SKAP2: variants seen among roughly 807,000 people sequenced by gnomAD.
SKAP2 encodes src kinase-associated phosphoprotein 2.
SKAP2 carries 28 observed loss-of-function variants against 54.9 expected under a neutral mutation model. The observed-to-expected ratio is 0.51, with a 90% CI of 0.38 to 0.70. SKAP2 has a LOEUF of 0.70. Ranked by LOEUF, SKAP2 falls within the 30% of genes least tolerant of loss-of-function variation. The pLI is 0.00. For synonymous variants in SKAP2, 137 were observed against 134.3 expected (o/e 1.02, Z -0.14); for missense variants, 356 against 424.1 (o/e 0.84, Z 1.41).
intron 4 of SKAP2, among the ~76,000 whole-genome samples, chr7:26,830,721 T>G (rs1418257950): frequency 3.9e-5 from 6 of 152,162 alleles, no homozygotes; most frequent in Non-Finnish European, 5.9e-5. Context: ...ATACTTAATT[T>G]TTCCTCAAGT....
intron 11 of SKAP2, among the ~76,000 whole-genome samples, chr7:26,682,461 T>A (rs909257164): frequency 2.6e-5 from 4 of 152,186 alleles, no homozygotes; most frequent in African/African-American, 9.7e-5. Context: ...ATTTACCAGG[T>A]TGATTCCACT....
At chr7:26,772,563 A>AT (rs1783210595) in intron 4 of SKAP2, among the ~76,000 whole-genome samples, 1 of 152,184 alleles carries the variant, frequency 6.6e-6, no homozygotes, top group African/African-American at 2.4e-5. Flanking sequence ...ACATGATATC[A>AT]TTTTTTATGG....
At chr7:26,805,747 T>C (rs74917466) in intron 4 of SKAP2, among the ~76,000 whole-genome samples, 4,828 of 152,312 alleles carry the variant, frequency 0.032, 262 homozygotes, top group African/African-American at 0.11. Flanking sequence ...AGCCAGAGAC[T>C]GCTAAGCCAT....
intron 4 of SKAP2, among the ~76,000 whole-genome samples, chr7:26,800,792 A>T (rs566600931): frequency 1.7e-4 from 26 of 152,312 alleles, no homozygotes; most frequent in African/African-American, 6.3e-4. Context: ...ACCAAGATGA[A>T]CCAGGAAGAA....
chr7:26,824,542 C>G (rs1269250856), intron 4 of SKAP2, among the ~76,000 whole-genome samples: 2 of 150,358 alleles, frequency 1.3e-5, no homozygotes, highest in Non-Finnish European at 3.0e-5. Flanking sequence ...CTTGGCCTAT[C>G]AGTTTGAGAC....
intron 5 of SKAP2, 97 bp downstream of exon 5, chr7:26,739,790 C>T: frequency 1.3e-6 from 1 of 789,854 alleles, no homozygotes; most frequent in Non-Finnish European, 2.0e-6. Flanking sequence ...ACTCTTTAAT[C>T]ACCTAAAACG....
At chr7:26,693,241 A>G (rs1786825154) in intron 9 of SKAP2, among the ~76,000 whole-genome samples, 1 of 149,386 alleles carries the variant, frequency 6.7e-6, no homozygotes, top group South Asian at 2.2e-4. Flanking sequence ...CTGAGGAAGG[A>G]GAATCGCTTG....
intron 4 of SKAP2, among the ~76,000 whole-genome samples, chr7:26,792,230 T>C (rs760575908): frequency 7.2e-5 from 11 of 152,266 alleles, no homozygotes; most frequent in East Asian, 1.9e-4. Flanking sequence ...AGGGAACTTT[T>C]TGGGGTGCTG....
chr7:26,851,083 C>G (rs186645014), intron 3 of SKAP2, among the ~76,000 whole-genome samples: 10 of 151,888 alleles, frequency 6.6e-5, no homozygotes, highest in Non-Finnish European at 1.3e-4. Flanking sequence ...ATCTATGCAG[C>G]CTAGTGTTTC....
At chr7:26,659,058 T>C in the SKAP2 span, among the ~76,000 whole-genome samples, 6 of 152,200 alleles carry the variant, frequency 3.9e-5, no homozygotes, top group African/African-American at 1.2e-4. Flanking sequence ...CGGGGGCTTA[T>C]TCCACAATTA....
At chr7:26,787,377 C>T (rs1226433071) in intron 4 of SKAP2, among the ~76,000 whole-genome samples, 2 of 151,736 alleles carry the variant, frequency 1.3e-5, no homozygotes, top group African/African-American at 2.4e-5. Context: ...GGCTGGAGTG[C>T]GGTAGCACAA....
intron 3 of SKAP2, among the ~76,000 whole-genome samples, chr7:26,849,090 T>TC (rs1250721055): frequency 6.6e-6 from 1 of 152,162 alleles, no homozygotes; most frequent in East Asian, 1.9e-4. Flanking sequence ...GAGTTATCGT[T>TC]CAACAGAAAA....
At chr7:26,852,911 C>T (rs762315274) in intron 3 of SKAP2, among the ~76,000 whole-genome samples, 9 of 151,972 alleles carry the variant, frequency 5.9e-5, no homozygotes, top group African/African-American at 1.5e-4. Flanking sequence ...TAAAAGTTAT[C>T]GTAATTAAAA....
At chr7:26,862,845 T>C (rs1421004745) in intron 1 of SKAP2, among the ~76,000 whole-genome samples, 1 of 152,066 alleles carries the variant, frequency 6.6e-6, no homozygotes, top group Admixed American at 6.6e-5. Flanking sequence ...AATTCAAAAA[T>C]ACAGACATAG....
chr7:26,787,887 G>A (rs559579989), intron 4 of SKAP2, among the ~76,000 whole-genome samples: 46 of 151,932 alleles, frequency 3.0e-4, no homozygotes, highest in African/African-American at 1.0e-3. Context: ...ACCGAGTCTC[G>A]CTCTGTCGCC....
At chr7:26,824,332 A>G (rs143451473) in intron 4 of SKAP2, among the ~76,000 whole-genome samples, 186 of 152,344 alleles carry the variant, frequency 1.2e-3, no homozygotes, top group Admixed American at 3.5e-3. Flanking sequence ...GGGAGGTAAT[A>G]TAGTAGTAAG....
chr7:26,780,608 AT>A (rs1783406327), intron 4 of SKAP2, among the ~76,000 whole-genome samples: 1 of 151,982 alleles, frequency 6.6e-6, no homozygotes, highest in African/African-American at 2.4e-5. Context: ...TATTGCTTTT[AT>A]TTTTTTCAAT....
intron 4 of SKAP2, among the ~76,000 whole-genome samples, chr7:26,813,120 TA>T (rs141130539): frequency 3.3e-5 from 5 of 151,974 alleles, no homozygotes; most frequent in Non-Finnish European, 4.4e-5. Context: ...TCAATTTTTT[TA>T]AAAATTATTA....
At chr7:26,847,562 G>A (rs1562634387) in intron 3 of SKAP2, among the ~76,000 whole-genome samples, 1 of 150,908 alleles carries the variant, frequency 6.6e-6, no homozygotes, top group East Asian at 1.9e-4. Context: ...ATCAACAATA[G>A]GCATCAGGTA....
Sources: allele counts gnomAD v4.1 joint callset (sites outside exome capture counted in the v4.1 genomes callset), GRCh38; gene constraint gnomAD v4.1.1; transcripts MANE v1.5; gene names NCBI Gene and HGNC (gene_info 2026-07-23, HGNC 2026-07-21).